Variants in ARMC8 observed in about 807,000 individuals in gnomAD.
ARMC8 encodes armadillo repeat-containing protein 8.
A neutral mutation model predicts 99.3 loss-of-function variants in ARMC8; 20 were observed. The ratio of observed to expected loss-of-function variants is 0.20; its 90% CI spans 0.14 to 0.29. The LOEUF (loss-of-function observed/expected upper bound fraction) is 0.29. Ranked by LOEUF, ARMC8 falls within the 10% of genes least tolerant of loss-of-function variation. The pLI is 1.00. For synonymous variants in ARMC8, 263 were observed against 278.3 expected, an observed-to-expected ratio of 0.95 and a Z score of 0.55; for missense variants, 569 against 809.5, an observed-to-expected ratio of 0.70 and a Z score of 3.60.
intron 19 of ARMC8, among the ~76,000 whole-genome samples, chr3:138,288,720 C>T (rs541903649): frequency 1.3e-5 from 2 of 151,092 alleles, no homozygotes; most frequent in East Asian, 3.9e-4. Context: ...TCACTGCAAC[C>T]TCTGCCTCCC....
chr3:138,250,247 T>G (rs753268424), intron 12 of ARMC8, among the ~76,000 whole-genome samples: 2 of 152,158 alleles, frequency 1.3e-5, no homozygotes, highest in Non-Finnish European at 2.9e-5. Context: ...CTTAAAATGT[T>G]TAGCACAGTG....
At position 138,295,653 on chromosome 3, in the gene ARMC8, GGAA is replaced by G. The variant is rs1300693310; in HGVS notation, c.1989-199_1989-197del. On this transcript the variant is annotated intron_variant, in intron 21 of 21. Coordinates refer to ENST00000469044, the MANE Select transcript of ARMC8 (RefSeq NM_001363941.2). ...GGAACAGCCCTCTGAGAGATCCACA[GGAA>G]GAAGAATATAGCCAGAGTAGATTTC... Among the ~76,000 whole-genome samples the G allele has an allele frequency of 5.9e-5, 9 of 152,348 alleles. No individual in the cohort carries two copies. The East Asian group carries it at 1.7e-3, about 29-fold the overall frequency.
intron 2 of ARMC8, among the ~76,000 whole-genome samples, chr3:138,219,050 T>G (rs554034248): frequency 8.5e-5 from 13 of 152,246 alleles, no homozygotes; most frequent in Admixed American, 8.5e-4. Flanking sequence ...ATAAAAGACA[T>G]GGGTTGAGAC....
intron 18 of ARMC8, among the ~76,000 whole-genome samples, chr3:138,280,736 C>T (rs764908156): frequency 2.6e-5 from 4 of 152,106 alleles, no homozygotes; most frequent in African/African-American, 9.7e-5. Context: ...TAGTGATCCA[C>T]CCACCTCGGC....
chr3:138,211,139 T>C (rs1264322462), intron 2 of ARMC8, among the ~76,000 whole-genome samples: 1 of 152,208 alleles, frequency 6.6e-6, no homozygotes, highest in Non-Finnish European at 1.5e-5. Flanking sequence ...CAGTTTGGGT[T>C]GTACCTACAC....
chr3:138,239,724 A>G (rs2046515259), intron 10 of ARMC8, among the ~76,000 whole-genome samples, 196 bp downstream of exon 10: 2 of 152,178 alleles, frequency 1.3e-5, no homozygotes, highest in South Asian at 4.1e-4. Flanking sequence ...TGTGTTTCGA[A>G]AGTCAGCGTG....
At chr3:138,194,819 C>T (rs182608494) in intron 1 of ARMC8, among the ~76,000 whole-genome samples, 6 of 152,196 alleles carry the variant, frequency 3.9e-5, no homozygotes, top group Non-Finnish European at 7.4e-5. Flanking sequence ...AAAAAAATTG[C>T]TGTGAAGTCG....
At chr3:138,215,462 C>T (rs1022537082) in intron 2 of ARMC8, among the ~76,000 whole-genome samples, 16 of 152,092 alleles carry the variant, frequency 1.1e-4, no homozygotes, top group Admixed American at 8.5e-4. Flanking sequence ...GTGATCCACC[C>T]GCCTCGGCCT....
intron 1 of ARMC8, among the ~76,000 whole-genome samples, chr3:138,200,126 G>A (rs943981840): frequency 4.6e-5 from 7 of 152,124 alleles, no homozygotes; most frequent in Non-Finnish European, 8.8e-5. Context: ...GTCCTCACAT[G>A]TAACTTTTAA....
intron 1 of ARMC8, chr3:138,188,469 G>A: frequency 1.2e-6 from 2 of 1,612,676 alleles, no homozygotes; most frequent in Non-Finnish European, 1.7e-6. Context: ...AGGAATGAAA[G>A]TTACTGGGAG....
chr3:138,250,277 T>C (rs896313925), intron 12 of ARMC8, among the ~76,000 whole-genome samples: 2 of 152,130 alleles, frequency 1.3e-5, no homozygotes, highest in African/African-American at 4.8e-5. Flanking sequence ...TAATAGGTGC[T>C]CAATAAATGG....
intron 1 of ARMC8, among the ~76,000 whole-genome samples, chr3:138,209,105 A>T (rs1484207591): frequency 6.6e-6 from 1 of 152,250 alleles, no homozygotes; most frequent in Non-Finnish European, 1.5e-5. Flanking sequence ...TGTTTCATGG[A>T]GTCCTCACTC....
Position 138,270,098 on chromosome 3 carries a change from CTGCTTTACGAG to C in ARMC8, c.1448_1458del (p.Ala483GlufsTer14). ...TGTGGATTAACTCAGAGTGAAAATCCTGCTTTACGAGTGAATGGAATTTGGGCTTTAATGGT... is the reference window on the plus strand; with the variant it reads ...TGTGGATTAACTCAGAGTGAAAATCCTGAATGGAATTTGGGCTTTAATGGT... On this transcript the variant is annotated frameshift_variant, in exon 16 of 22. Transcript: ENST00000469044. LOFTEE classifies it high-confidence loss of function. 6.2e-7 allele frequency: 1 copy of C among 1,613,446 alleles called. No individual in the cohort carries two copies.
intron 21 of ARMC8, among the ~76,000 whole-genome samples, chr3:138,291,655 A>G (rs1372020494): frequency 6.6e-6 from 1 of 152,246 alleles, no homozygotes; most frequent in African/African-American, 2.4e-5. Context: ...TGGAGAATCA[A>G]GAAAATTTAT....
At chr3:138,272,836 C>A (rs2048921166) in intron 16 of ARMC8, 131 bp from the exon 17 acceptor site, 1 of 788,226 alleles carries the variant, frequency 1.3e-6, no homozygotes, top group African/African-American at 1.8e-5. Context: ...TGTGCCACTG[C>A]ACACCAGCCT....
chr3:138,222,039 T>C (rs563254250), intron 3 of ARMC8, 42 bp downstream of exon 3: 1 of 1,477,930 alleles, frequency 6.8e-7, no homozygotes, highest in South Asian at 1.2e-5. Context: ...TTCATACTAG[T>C]TTCTAATGTA....
chr3:138,267,131 T>C, intron 14 of ARMC8, 24 bp from the exon 15 acceptor site: 1 of 1,223,662 alleles, frequency 8.2e-7, no homozygotes, highest in Non-Finnish European at 1.2e-6. Context: ...AAATCATTAG[T>C]AGTATCCTTT....
At chr3:138,201,610 C>T (rs549512955) in intron 1 of ARMC8, among the ~76,000 whole-genome samples, 5 of 151,718 alleles carry the variant, frequency 3.3e-5, no homozygotes, top group East Asian at 2.0e-4. Flanking sequence ...TACAGGCACA[C>T]GCCACCACAC....
intron 12 of ARMC8, 91 bp downstream of exon 12, chr3:138,245,274 G>A (rs763823245): frequency 1.2e-6 from 2 of 1,613,548 alleles, no homozygotes; most frequent in Admixed American, 3.3e-5. Context: ...AGCACTAACA[G>A]TGACTGTTTG....
Sources: allele counts gnomAD v4.1 joint callset (sites outside exome capture counted in the v4.1 genomes callset), GRCh38; gene constraint gnomAD v4.1.1; transcripts MANE v1.5; gene names NCBI Gene and HGNC (gene_info 2026-07-23, HGNC 2026-07-21).